The following DLC1 variants were observed in gnomAD, a reference collection of about 807,000 sequenced individuals.
The protein encoded by DLC1 is DLC1 Rho GTPase activating protein.
A neutral mutation model predicts 140.3 loss-of-function variants in DLC1; 54 were observed. That is an observed-to-expected ratio of 0.38 (90% CI 0.31 to 0.48). The LOEUF (loss-of-function observed/expected upper bound fraction) is 0.48. DLC1 is among the 20% of genes least tolerant of loss of function. The probability of loss-of-function intolerance (pLI) is 0.96; values close to 1 mark genes in which losing one functional copy is unlikely to be tolerated. For synonymous variants in DLC1, 986 were observed against 728.1 expected, an observed-to-expected ratio of 1.35 and a Z score of -5.70; for missense variants, 2,536 against 1,907.0, an observed-to-expected ratio of 1.33 and a Z score of -6.14.
chr8:13,170,729 CA>C (rs1179460110), intron 5 of DLC1, among the ~76,000 whole-genome samples: 9,184 of 63,078 alleles, frequency 0.15, 228 homozygotes, highest in South Asian at 0.25. Context: ...GACTCCATCT[CA>C]AAAAAAAAAA....
intron 5 of DLC1, among the ~76,000 whole-genome samples, chr8:13,161,702 C>A (rs1296233613): frequency 6.6e-6 from 1 of 152,124 alleles, no homozygotes; most frequent in African/African-American, 2.4e-5. Flanking sequence ...TACCTCTGTT[C>A]CTTATGGAAA....
chr8:13,517,042 C>A (rs2117275080), upstream of DLC1, among the ~76,000 whole-genome samples: 1 of 152,266 alleles, frequency 6.6e-6, no homozygotes, highest in South Asian at 2.1e-4. Context: ...GAGACAATTT[C>A]ACATAACTTA....
At chr8:13,123,089 A>G (rs1322264560) in intron 5 of DLC1, among the ~76,000 whole-genome samples, 1 of 152,206 alleles carries the variant, frequency 6.6e-6, no homozygotes, top group Non-Finnish European at 1.5e-5. Context: ...AGCGCGTATG[A>G]GGACCCTCTA....
chr8:13,293,272 C>A (rs1212350951), intron 5 of DLC1, among the ~76,000 whole-genome samples: 1 of 152,008 alleles, frequency 6.6e-6, no homozygotes, highest in Non-Finnish European at 1.5e-5. Context: ...AGCCAAATGG[C>A]ATGTTCAGGA....
intron 1 of DLC1, among the ~76,000 whole-genome samples, chr8:13,511,834 C>T (rs1802379896): frequency 6.6e-6 from 1 of 152,066 alleles, no homozygotes; most frequent in Non-Finnish European, 1.5e-5. Context: ...TTTTATAACA[C>T]TGACATCACT....
chr8:13,436,592 G>GT (rs902083415), intron 2 of DLC1, among the ~76,000 whole-genome samples: 34 of 152,114 alleles, frequency 2.2e-4, no homozygotes, highest in African/African-American at 7.7e-4. Flanking sequence ...AACTAAAACA[G>GT]TTTTTTATTT....
intron 5 of DLC1, among the ~76,000 whole-genome samples, chr8:13,125,136 C>A (rs1033799118): frequency 6.6e-6 from 1 of 152,018 alleles, no homozygotes; most frequent in African/African-American, 2.4e-5. Context: ...ACGACCACAC[C>A]CGGGTAATTT....
chr8:13,568,051 T>G lies in DLC1; in HGVS notation c.-126+36486A>C, dbSNP rs547918239. 1.0e-4 allele frequency: 130 copies of G among 1,284,056 alleles called. No individual in the cohort carries two copies. In the South Asian group the frequency reaches 1.5e-3, roughly 15 times the overall value. 79.5% of individuals were successfully genotyped at this position (1,284,056 alleles called of 1,614,324 possible). A position where few individuals can be genotyped will look rare whatever the true frequency, so the allele number is the denominator to read the frequency against. The stretch of plus-strand genomic sequence containing the variant: ...ACTTTACTATGCTTCCTTCACAGAT[T>G]TGAGGACTAAGAACTTTCACTTTTT... On this transcript the variant is annotated intron_variant, in intron 1 of 1. Transcript: ENST00000631382.
intron 16 of DLC1, among the ~76,000 whole-genome samples, chr8:13,087,198 T>C (rs1305207377): frequency 2.0e-5 from 3 of 152,242 alleles, no homozygotes; most frequent in East Asian, 1.9e-4. Context: ...CCCAGGAGTT[T>C]TGAGACCAGC....
chr8:13,599,402 AT>A (rs1377903648), intron 1 of DLC1, among the ~76,000 whole-genome samples: 1 of 152,002 alleles, frequency 6.6e-6, no homozygotes, highest in Non-Finnish European at 1.5e-5. Flanking sequence ...GACATTTTTA[AT>A]GAATGATTTG....
intron 5 of DLC1, among the ~76,000 whole-genome samples, chr8:13,295,943 T>TG: frequency 3.7e-5 from 2 of 53,688 alleles, no homozygotes; most frequent in Non-Finnish European, 7.6e-5. Context: ...AGATTCTTTG[T>TG]TTTTTTTTTT....
chr8:13,490,537 G>C lies in DLC1; in HGVS notation c.1023+8512C>G, dbSNP rs566493800. Among the ~76,000 whole-genome samples, 41 of 152,280 alleles carry C rather than the reference G, an allele frequency of 2.7e-4. 1 individual carries two copies. The South Asian group carries it at 8.3e-3, about 31-fold the overall frequency. On this transcript the variant is annotated intron_variant, in intron 2 of 17. Transcript: ENST00000276297. ...GTACCCAGATAAGAGGCAGGACTCT[G>C]TTACATAGGTTATGTGATTTATCCC...
At chr8:13,287,446 C>T (rs577767774) in intron 5 of DLC1, among the ~76,000 whole-genome samples, 32 of 146,646 alleles carry the variant, frequency 2.2e-4, no homozygotes, top group African/African-American at 7.8e-4. Context: ...AAATCAATCA[C>T]CATAAATAGT....
At chr8:13,140,958 A>G (rs1227358468) in intron 5 of DLC1, among the ~76,000 whole-genome samples, 1 of 152,146 alleles carries the variant, frequency 6.6e-6, no homozygotes, top group Non-Finnish European at 1.5e-5. Flanking sequence ...TGAGGCCTCT[A>G]TAAAAGCCTG....
intron 5 of DLC1, among the ~76,000 whole-genome samples, chr8:13,158,888 C>T (rs917609208): frequency 6.6e-6 from 1 of 152,072 alleles, no homozygotes; most frequent in Non-Finnish European, 1.5e-5. Context: ...GTACACCCAA[C>T]AGACATACAA....
chr8:13,397,402 G>A (rs932144419), intron 3 of DLC1, among the ~76,000 whole-genome samples: 1 of 152,168 alleles, frequency 6.6e-6, no homozygotes, highest in Non-Finnish European at 1.5e-5. Context: ...GAAGCCAGGA[G>A]AGCAGTGAAA....
chr8:13,532,028 G>C (rs1353328048), intron 1 of DLC1, among the ~76,000 whole-genome samples: 1 of 152,194 alleles, frequency 6.6e-6, no homozygotes, highest in African/African-American at 2.4e-5. Context: ...CCTAAGTCTA[G>C]CTTATGATAT....
At position 13,404,377 on chromosome 8, in the gene DLC1, C is replaced by T. The variant is rs574307560; in HGVS notation, c.1024-2758G>A. 5.3e-5 allele frequency among the ~76,000 whole-genome samples: 8 copies of T among 152,170 alleles called. No individual in the cohort carries two copies. In the East Asian group the frequency reaches 5.8e-4, roughly 11 times the overall value. ...TTGGAAGAAATGTGCATAATTGGCCCGTTCGAGCTGGTGTGAACCAGTGTC... is the reference window on the plus strand; with the variant it reads ...TTGGAAGAAATGTGCATAATTGGCCTGTTCGAGCTGGTGTGAACCAGTGTC... On this transcript the variant is annotated intron_variant, in intron 2 of 17. Transcript: ENST00000276297.
At chr8:13,375,729 A>ATTT (rs1043092226) in intron 4 of DLC1, among the ~76,000 whole-genome samples, 1 of 91,664 alleles carries the variant, frequency 1.1e-5, no homozygotes, top group South Asian at 3.1e-4. Flanking sequence ...ATTTTATTTT[A>ATTT]TTTTTATTTT....
Sources: allele counts gnomAD v4.1 joint callset (sites outside exome capture counted in the v4.1 genomes callset), GRCh38; gene constraint gnomAD v4.1.1; transcripts MANE v1.5; gene names NCBI Gene and HGNC (gene_info 2026-07-23, HGNC 2026-07-21).